Variants in ZNF529 observed in about 807,000 individuals in gnomAD.
The protein encoded by ZNF529 is zinc finger protein 529.
ZNF529 carries 11 observed loss-of-function variants against 10.1 expected under a neutral mutation model. That is an observed-to-expected ratio of 1.09 (90% CI 0.69 to 1.81). The LOEUF is 1.81. Among genes scored for constraint, ZNF529 ranks in the 40% most tolerant of loss-of-function variants. The pLI is 0.00. For missense variants in ZNF529, 624 were observed against 666.8 expected (o/e 0.94, Z 0.71); for synonymous variants, 204 against 215.7 (o/e 0.95, Z 0.47).
upstream of ZNF529, among the ~76,000 whole-genome samples, chr19:36,578,124 G>T (rs2036374119): frequency 7.3e-6 from 1 of 136,756 alleles, no homozygotes; most frequent in Non-Finnish European, 1.5e-5. Context: ...GAGTGCAGTG[G>T]TGCTATCTCG....
At chr19:36,557,435 C>T (rs560801198) in intron 2 of ZNF529, among the ~76,000 whole-genome samples, 6 of 152,240 alleles carry the variant, frequency 3.9e-5, no homozygotes, top group South Asian at 4.1e-4. Flanking sequence ...TCATGGCAGA[C>T]GGCACCTCTT....
rs2035078620 is a variant in ZNF529 at position 36,547,458 on chromosome 19, G to C, written c.1100C>G (p.Ala367Gly). The C allele has an allele frequency of 1.2e-6, 2 of 1,613,618 alleles. No individual in the cohort carries two copies. Among genetic ancestry groups the C allele is most frequent in the African/African-American group, 2.7e-5 (2 of 74,810 alleles). Reference sequence around the variant, plus strand: ...AAAAGCCTTCCCACATTCCTTACATGCATAAGGTTTCTCACCAGTGTGAAT... The same window carrying C: ...AAAAGCCTTCCCACATTCCTTACATCCATAAGGTTTCTCACCAGTGTGAAT... ...QRIHTGEKPY[A>G]CKECGKAFGV... Residue 367 changes from alanine (A) to glycine (G), a missense_variant, in exon 5 of 5, where the codon GCA becomes GGA. By Grantham distance (60) the Ala-to-Gly change is moderately conservative. Transcript: ENST00000591340.
At chr19:36,586,618 G>GA (rs887727716) in intron 2 of ZNF529, among the ~76,000 whole-genome samples, 58 of 136,144 alleles carry the variant, frequency 4.3e-4, no homozygotes, top group East Asian at 8.5e-4. Flanking sequence ...CTCAAAAAAA[G>GA]AAAAAAAAAA....
At position 36,547,002 on chromosome 19, in the gene ZNF529, G is replaced by A. The variant is rs760023755; in HGVS notation, c.1556C>T (p.Ser519Leu). The change falls in exon 5 of 5, where the codon TCA (serine) becomes TTA (leucine). Residue 519 changes from serine (S) to leucine (L), a missense_variant. Physicochemically the swap from Ser to Leu is moderately radical, Grantham distance 145 (BLOSUM62 -2). Transcript: ENST00000591340. ...KACGKAFRHS[S>L]SFTKHQRIHT... ...AATGCGCTGATGTTTGGTAAAGGAT[G>A]AACTATGTCTAAAGGCCTTCCCACA... 13 of 1,613,890 alleles carry A rather than the reference G, an allele frequency of 8.1e-6. No homozygotes were observed. Among genetic ancestry groups the A allele is most frequent in the Non-Finnish European group, 1.1e-5 (13 of 1,179,922 alleles).
chr19:36,588,524 G>A (rs1212672395), intron 2 of ZNF529, among the ~76,000 whole-genome samples: 1 of 152,142 alleles, frequency 6.6e-6, no homozygotes, highest in African/African-American at 2.4e-5. Context: ...TTCCCTAAGT[G>A]TATGTTTGCA....
At chr19:36,551,838 A>G (rs909590681) in intron 4 of ZNF529, 1 of 152,174 alleles carries the variant, frequency 6.6e-6, no homozygotes, top group Admixed American at 6.5e-5. Flanking sequence ...CTTTATTCTT[A>G]TACATATCAC....
rs183728423 is a variant in ZNF529 at position 36,547,682 on chromosome 19, T to C, written c.876A>G (p.Arg292=). The C allele has an allele frequency of 4.3e-3, 6,965 of 1,613,918 alleles. 38 individuals are homozygous for C. The highest frequency in any genetic ancestry group is 4.5e-3 in the Non-Finnish European group (5,322 of 1,179,852). Residue 292 remains arginine (R), a synonymous_variant, in exon 5 of 5, where the codon AGA becomes AGG. Transcript: ENST00000591340. ...GATGTCGAGTAAGTTGTGCATGCAC[T>C]CTAAAGGATTTCCCACAGAATGAGC... ...FECSFCGKSF[R]VHAQLTRHQK...
rs146067966 is a variant in ZNF529, at chr19:36,545,525, T to TA, written c.*1340dup. 0.23 allele frequency: 33,923 copies of TA among 149,930 alleles called. 3,842 individuals are homozygous for TA. Among genetic ancestry groups the TA allele is most frequent in the Middle Eastern group, 0.27 (78 of 292 alleles). The allele number at this position is 149,930 out of a possible 1,614,324, so 9.3% of individuals were successfully genotyped here. A position where few individuals can be genotyped will look rare whatever the true frequency, so the allele number is the denominator to read the frequency against. The stretch of plus-strand genomic sequence containing the variant: ...TAGGCAACAAGAGCAAAACTCTGTC[T>TA]AAAAAAAAAGAAAAAAAATCCAATA... On this transcript the variant is annotated 3_prime_UTR_variant, in exon 5 of 5. Coordinates refer to ENST00000591340, the MANE Select transcript of ZNF529 (RefSeq NM_020951.5).
intron 2 of ZNF529, among the ~76,000 whole-genome samples, chr19:36,568,279 A>G (rs372943033): frequency 2.6e-5 from 4 of 152,272 alleles, no homozygotes; most frequent in South Asian, 2.1e-4. Context: ...CACATTCAAA[A>G]TGGTAGTGAA....
intron 4 of ZNF529, among the ~76,000 whole-genome samples, chr19:36,553,831 T>A (rs943833667): frequency 6.6e-6 from 1 of 152,244 alleles, no homozygotes; most frequent in Non-Finnish European, 1.5e-5. Flanking sequence ...AGCACTGACA[T>A]GATGCTACAA....
chr19:36,604,624 A>C (rs943930772), intron 1 of ZNF529, among the ~76,000 whole-genome samples: 3 of 152,148 alleles, frequency 2.0e-5, no homozygotes, highest in Non-Finnish European at 4.4e-5. Context: ...AGATCGAGCC[A>C]TACGGGGACC....
At chr19:36,597,390 G>A (rs191506815) in intron 1 of ZNF529, among the ~76,000 whole-genome samples, 1 of 152,004 alleles carries the variant, frequency 6.6e-6, no homozygotes, top group African/African-American at 2.4e-5. Context: ...ATACTGTCAT[G>A]CACTATTATT....
chr19:36,548,946 G>C (rs111606146), intron 4 of ZNF529, among the ~76,000 whole-genome samples: 1 of 152,118 alleles, frequency 6.6e-6, no homozygotes, highest in Non-Finnish European at 1.5e-5. Context: ...GAGGCTGCAG[G>C]GAGCTGAGAT....
intron 2 of ZNF529, chr19:36,582,314 G>T (rs1171891316): frequency 2.0e-5 from 3 of 152,102 alleles, no homozygotes; most frequent in Non-Finnish European, 2.9e-5. Flanking sequence ...TATGTTACAT[G>T]TATACTTTGC....
intron 2 of ZNF529, among the ~76,000 whole-genome samples, chr19:36,559,223 G>C (rs562350709): frequency 6.6e-6 from 1 of 152,246 alleles, no homozygotes; most frequent in Non-Finnish European, 1.5e-5. Flanking sequence ...GAATATAGAG[G>C]CTCCTCAAAA....
intron 2 of ZNF529, among the ~76,000 whole-genome samples, chr19:36,586,446 A>C (rs2036581545): frequency 6.6e-6 from 1 of 151,876 alleles, no homozygotes; most frequent in Non-Finnish European, 1.5e-5. Context: ...CTCTACTAAA[A>C]ACACAAAAAT....
intron 1 of ZNF529, among the ~76,000 whole-genome samples, chr19:36,603,533 T>G (rs1035777): frequency 0.68 from 103,461 of 152,104 alleles, 35,466 homozygotes; most frequent in African/African-American, 0.75. Flanking sequence ...CCTCCAGCTT[T>G]GCTTTAAAAT....
At chr19:36,587,507 C>G (rs1391474111) in intron 2 of ZNF529, 1 of 152,158 alleles carries the variant, frequency 6.6e-6, no homozygotes, top group Non-Finnish European at 1.5e-5. Context: ...TTCTGCTCCT[C>G]AGATCTACCT....
At chr19:36,558,793 A>G (rs556274636) in intron 2 of ZNF529, among the ~76,000 whole-genome samples, 1 of 152,220 alleles carries the variant, frequency 6.6e-6, no homozygotes, top group East Asian at 1.9e-4. Flanking sequence ...GGGACCAAAT[A>G]AAATTAAAAA....
Sources: gnomAD v4.1 joint callset for allele counts (sites outside exome capture counted in the v4.1 genomes callset) on GRCh38, gnomAD v4.1.1 for gene constraint, MANE v1.5 for transcripts, NCBI Gene and HGNC (gene_info 2026-07-23, HGNC 2026-07-21) for gene names.